The following GNG12 variants were observed in gnomAD, a reference collection of about 807,000 sequenced individuals.
The protein encoded by GNG12 is guanine nucleotide-binding protein G(I)/G(S)/G(O) subunit gamma-12.
For synonymous variants in GNG12, 28 were observed against 29.7 expected (o/e 0.94, Z 0.19); for missense variants, 69 against 83.8 (o/e 0.82, Z 0.69).
At chr1:67,800,808 A>G (rs1351772433) in intron 1 of GNG12, among the ~76,000 whole-genome samples, 1 of 152,052 alleles carries the variant, frequency 6.6e-6, no homozygotes, top group Non-Finnish European at 1.5e-5. Flanking sequence ...ACGTCAAATA[A>G]TATCTTAATA....
At chr1:67,774,910 T>A (rs953807201) in intron 2 of GNG12, among the ~76,000 whole-genome samples, 9 of 152,320 alleles carry the variant, frequency 5.9e-5, no homozygotes, top group Admixed American at 5.2e-4. Flanking sequence ...ACAAAAGCAA[T>A]TGAAAAGGAG....
At chr1:67,709,827 A>AAAT (rs1646271068) in intron 2 of GNG12, among the ~76,000 whole-genome samples, 1 of 124,882 alleles carries the variant, frequency 8.0e-6, no homozygotes, top group Non-Finnish European at 1.6e-5. Context: ...TATATATATA[A>AAAT]ATATATATAT....
chr1:67,830,134 T>G (rs1647034879), intron 1 of GNG12, among the ~76,000 whole-genome samples: 1 of 151,572 alleles, frequency 6.6e-6, no homozygotes, highest in African/African-American at 2.4e-5. Flanking sequence ...GCATCCCGAG[T>G]AGCTGGGACT....
At chr1:67,816,769 C>G (rs181762344) in intron 1 of GNG12, among the ~76,000 whole-genome samples, 3 of 152,136 alleles carry the variant, frequency 2.0e-5, no homozygotes, top group Non-Finnish European at 4.4e-5. Flanking sequence ...GGCCAGCACC[C>G]GACAACTCCC....
intron 1 of GNG12, among the ~76,000 whole-genome samples, chr1:67,805,846 A>C (rs1214992339): frequency 6.6e-6 from 1 of 151,660 alleles, no homozygotes; most frequent in African/African-American, 2.4e-5. Flanking sequence ...AAAAAAACCT[A>C]GGCATAACAT....
At chr1:67,825,660 C>T (rs1056480384) in intron 1 of GNG12, among the ~76,000 whole-genome samples, 1 of 152,216 alleles carries the variant, frequency 6.6e-6, no homozygotes, top group Non-Finnish European at 1.5e-5. Flanking sequence ...AGCAGCTACT[C>T]ATAGGTAAGT....
intron 2 of GNG12, among the ~76,000 whole-genome samples, chr1:67,752,537 C>G (rs2100727598): frequency 6.6e-6 from 1 of 152,282 alleles, no homozygotes; most frequent in African/African-American, 2.4e-5. Context: ...TCCTCTTGCA[C>G]TCACGGTAGA....
At chr1:67,781,321 C>T (rs1327410789) in intron 1 of GNG12, among the ~76,000 whole-genome samples, 2 of 152,116 alleles carry the variant, frequency 1.3e-5, no homozygotes, top group African/African-American at 2.4e-5. Flanking sequence ...CTGACTCTTG[C>T]CATATCATCT....
rs550774238 is a variant in GNG12 at position 67,727,789 on chromosome 1, A to G, written c.-26-20077T>C. ...CTTTCTCATACCATCTATATTAGAT[A>G]GGGCTAATTAATTACTTAATTTTAT... On this transcript the variant is annotated intron_variant, in intron 2 of 3. Transcript: ENST00000370982. 1.6e-4 allele frequency among the ~76,000 whole-genome samples: 24 copies of G among 152,360 alleles called. No homozygotes were observed. In the South Asian group the frequency reaches 4.8e-3, roughly 30 times the overall value.
intron 1 of GNG12, among the ~76,000 whole-genome samples, chr1:67,782,660 T>C (rs1482547569): frequency 6.6e-6 from 1 of 152,194 alleles, no homozygotes; most frequent in Non-Finnish European, 1.5e-5. Flanking sequence ...AAAGACAGTA[T>C]AAATTTTAAA....
Position 67,705,535 on chromosome 1 carries a change from T to G in GNG12, c.135A>C (p.Glu45Asp). ...TCAGCAAAGGGTCACTCCTGGCATG[T>G]TCCTCACAGTAGGACATGAGGTCCG... ...ASADLMSYCE[E>D]HARSDPLLIG... The change falls in exon 4 of 4, where the codon GAA (glutamate) becomes GAC (aspartate). Residue 45 changes from glutamate (E) to aspartate (D), a missense_variant. Transcript: ENST00000370982. The G allele has an allele frequency of 6.2e-7, 1 of 1,613,984 alleles. No individual in the cohort carries two copies. Among genetic ancestry groups the G allele is most frequent in the Non-Finnish European group, 8.5e-7 (1 of 1,179,950 alleles).
At chr1:67,815,739 C>A (rs560698214) in intron 1 of GNG12, among the ~76,000 whole-genome samples, 4 of 152,182 alleles carry the variant, frequency 2.6e-5, no homozygotes, top group Admixed American at 2.6e-4. Flanking sequence ...CTCAGAGGGC[C>A]GGCATGAGGG....
chr1:67,755,053 G>A (rs1328964696), intron 2 of GNG12, among the ~76,000 whole-genome samples: 1 of 152,252 alleles, frequency 6.6e-6, no homozygotes, highest in African/African-American at 2.4e-5. Flanking sequence ...ATTTTGAAAG[G>A]TCTCTTCATT....
At chr1:67,825,878 A>C (rs938897674) in intron 1 of GNG12, among the ~76,000 whole-genome samples, 1 of 152,204 alleles carries the variant, frequency 6.6e-6, no homozygotes, top group African/African-American at 2.4e-5. Flanking sequence ...AGTAGCAATA[A>C]ACAATGTCAA....
chr1:67,718,211 A>G (rs961990616), intron 2 of GNG12, among the ~76,000 whole-genome samples: 1 of 152,136 alleles, frequency 6.6e-6, no homozygotes. Context: ...AAACCCAATG[A>G]AACACCACCG....
At chr1:67,766,392 G>A (rs868219387) in intron 2 of GNG12, among the ~76,000 whole-genome samples, 9 of 151,944 alleles carry the variant, frequency 5.9e-5, no homozygotes, top group African/African-American at 1.9e-4. Context: ...GTCTTTCCGC[G>A]CTCCTGCTTC....
At chr1:67,766,384 C>CT (rs56734184) in intron 2 of GNG12, among the ~76,000 whole-genome samples, 43,099 of 151,994 alleles carry the variant, frequency 0.28, 6,678 homozygotes, top group Non-Finnish European at 0.35. Flanking sequence ...ACAAAGGGGT[C>CT]TTTCCGCGCT....
intron 1 of GNG12, among the ~76,000 whole-genome samples, chr1:67,817,662 C>T (rs1426720179): frequency 2.0e-5 from 3 of 152,094 alleles, no homozygotes; most frequent in Non-Finnish European, 4.4e-5. Flanking sequence ...TTGTGTCTGT[C>T]TTCCTCATTA....
At chr1:67,769,907 G>C (rs1311299009) in intron 2 of GNG12, among the ~76,000 whole-genome samples, 1 of 152,182 alleles carries the variant, frequency 6.6e-6, no homozygotes. Context: ...GTTTGGCTCA[G>C]AGGGAGCAGC....
Sources: gnomAD v4.1 joint callset for allele counts (sites outside exome capture counted in the v4.1 genomes callset) on GRCh38, gnomAD v4.1.1 for gene constraint, MANE v1.5 for transcripts, NCBI Gene and HGNC (gene_info 2026-07-23, HGNC 2026-07-21) for gene names.